Variants in SPTA1 observed in about 807,000 individuals in gnomAD.
SPTA1 encodes the protein spectrin alpha chain, erythrocytic 1.
SPTA1 carries 177 observed loss-of-function variants against 324.7 expected under a neutral mutation model. The ratio of observed to expected loss-of-function variants is 0.55; its 90% CI spans 0.48 to 0.62. The LOEUF (loss-of-function observed/expected upper bound fraction) is 0.62. SPTA1 is among the 20% of genes least tolerant of loss of function. The pLI is 0.00. For missense variants in SPTA1, 3,162 were observed against 2,883.6 expected (o/e 1.10, Z -2.21); for synonymous variants, 1,195 against 1,041.3 (o/e 1.15, Z -2.84).
In SPTA1 at chr1:158,685,096, G is replaced by GT; in HGVS notation, c.264+11_264+12insA. On this transcript the variant is annotated intron_variant, in intron 2 of 51. Coordinates refer to ENST00000643759, the MANE Select transcript of SPTA1 (RefSeq NM_003126.4). ...AGGGTCTGCTCTGAGGCAATCAAGA[G>GT]AACTGAGTGACCTGTATATTAGTTG... 4 of 1,613,552 alleles carry GT rather than the reference G, an allele frequency of 2.5e-6. No homozygotes were observed. Among genetic ancestry groups the GT allele is most frequent in the Non-Finnish European group, 2.5e-6 (3 of 1,179,708 alleles).
intron 39 of SPTA1, among the ~76,000 whole-genome samples, chr1:158,631,292 A>C (rs1023586011): frequency 1.3e-5 from 2 of 152,212 alleles, no homozygotes; most frequent in Non-Finnish European, 2.9e-5. Context: ...ACAAAACAAA[A>C]TAATGGCGTT....
At chr1:158,622,952 GA>G in intron 43 of SPTA1, 30 bp downstream of exon 43, 1 of 1,573,826 alleles carries the variant, frequency 6.4e-7, no homozygotes, top group Non-Finnish European at 8.7e-7. Context: ...AGGTAACAGA[GA>G]ACTGATCATG....
intron 4 of SPTA1, 67 bp downstream of exon 4, chr1:158,681,460 T>G (rs548344981): frequency 4.8e-5 from 77 of 1,611,124 alleles, no homozygotes; most frequent in South Asian, 2.1e-4. Context: ...TCTGCAGTAA[T>G]TTGCTATGGG....
intron 7 of SPTA1, 124 bp from the exon 8 acceptor site, chr1:158,676,419 G>C: frequency 9.8e-7 from 1 of 1,025,122 alleles, no homozygotes. Context: ...CATATGAATA[G>C]ATTTCTATTA....
rs369032432 is a variant in SPTA1 at position 158,662,950 on chromosome 1, G to C, written c.2221-5C>G. On this transcript the variant is annotated splice_region_variant and splice_polypyrimidine_tract_variant and intron_variant, in intron 16 of 51. Coordinates refer to ENST00000643759, the MANE Select transcript of SPTA1 (RefSeq NM_003126.4). ...TGTAAGGATATCCACCTGATCCTAA[G>C]GGAGAAATAGAATGAATGCGAAGAA... 22 of 1,613,740 alleles carry C rather than the reference G, an allele frequency of 1.4e-5. No homozygotes were observed. Among genetic ancestry groups the C allele is most frequent in the African/African-American group, 5.3e-5 (4 of 74,858 alleles).
In SPTA1 at chr1:158,615,319, G is replaced by T. The variant is rs765790863; in HGVS notation, c.6685C>A (p.Leu2229Ile). 6.2e-7 allele frequency: 1 copy of T among 1,614,054 alleles called. No homozygotes were observed. Among genetic ancestry groups the T allele is most frequent in the South Asian group, 1.1e-5 (1 of 91,072 alleles). Residue 2229 changes from leucine to isoleucine, a missense_variant, in exon 48 of 52, where the codon CTT becomes ATT. By Grantham distance (5) the Leu-to-Ile change is conservative (BLOSUM62 2). Transcript: ENST00000643759. The stretch of plus-strand genomic sequence containing the variant: ...CCAATGGTGCTGTATTTGATATCAA[G>T]GATCAGAGCGTCTTCCAAGTTGTCC... ...LGDNLEDALI[L>I]DIKYSTIGLA...
chr1:158,617,757 G>A (rs969086420), intron 46 of SPTA1, among the ~76,000 whole-genome samples, 169 bp from the exon 47 acceptor site: 3 of 152,116 alleles, frequency 2.0e-5, no homozygotes, highest in African/African-American at 7.2e-5. Flanking sequence ...CTGATGAGAA[G>A]GGAAGACTTT....
chr1:158,614,376 T>C, intron 48 of SPTA1, 70 bp from the exon 49 acceptor site: 1 of 1,101,116 alleles, frequency 9.1e-7, no homozygotes, highest in Non-Finnish European at 1.4e-6. Context: ...ACAAGCCACA[T>C]GGAAGAGAGA....
chr1:158,629,458 GA>G (rs559798875), intron 39 of SPTA1, among the ~76,000 whole-genome samples: 2 of 151,312 alleles, frequency 1.3e-5, no homozygotes, highest in African/African-American at 2.4e-5. Flanking sequence ...AATAGATTCT[GA>G]AAAAAAATGG....
intron 20 of SPTA1, among the ~76,000 whole-genome samples, 197 bp from the exon 21 acceptor site, chr1:158,654,945 T>G (rs1571463358): frequency 6.6e-6 from 1 of 152,050 alleles, no homozygotes; most frequent in African/African-American, 2.4e-5. Flanking sequence ...GACAGGCAGG[T>G]TGGGAACTAT....
chr1:158,614,195 G>T, intron 49 of SPTA1, 58 bp downstream of exon 49: 1 of 1,283,782 alleles, frequency 7.8e-7, no homozygotes, highest in South Asian at 1.2e-5. Flanking sequence ...ATTATTTGTA[G>T]ACTCATTCTG....
intron 26 of SPTA1, among the ~76,000 whole-genome samples, chr1:158,648,169 A>G (rs1238678484): frequency 6.6e-6 from 1 of 152,296 alleles, no homozygotes; most frequent in East Asian, 1.9e-4. Context: ...TATTGGCCTG[A>G]TCATCCTGGG....
intron 50 of SPTA1, 129 bp from the exon 51 acceptor site, chr1:158,613,090 T>C: frequency 2.0e-6 from 2 of 1,004,316 alleles, no homozygotes; most frequent in South Asian, 2.8e-5. Context: ...AACTAAGCTT[T>C]CTGGGATGAG....
At position 158,672,076 on chromosome 1, in the gene SPTA1, A is replaced by G. The variant is rs1461673453; in HGVS notation, c.1471T>C (p.Trp491Arg). The G allele has an allele frequency of 1.9e-6, 3 of 1,613,904 alleles. No individual in the cohort carries two copies. The highest frequency in any genetic ancestry group is 3.3e-5 in the Admixed American group (2 of 59,980). The part of the protein sequence containing the change: ...FYRDSEQVDS[W>R]MSRQEAFLEN... Reference sequence around the variant, plus strand: ...CCCGTTACCTCTTGTCTACTCATCCAACTGTCCACTTGCTCACTGTCTCTG... The same window carrying G: ...CCCGTTACCTCTTGTCTACTCATCCGACTGTCCACTTGCTCACTGTCTCTG... Residue 491 changes from tryptophan to arginine, a missense_variant, in exon 11 of 52, where the codon TGG becomes CGG. Physicochemically the swap from Trp to Arg is moderately radical, Grantham distance 101. Coordinates refer to ENST00000643759, the MANE Select transcript of SPTA1 (RefSeq NM_003126.4).
chr1:158,686,683 C>T lies in SPTA1; in HGVS notation c.-166G>A. 3.3e-6 allele frequency: 2 copies of T among 603,032 alleles called. No individual in the cohort carries two copies. The highest frequency in any genetic ancestry group is 5.9e-6 in the Non-Finnish European group (2 of 338,966). The allele number at this position is 603,032 out of a possible 1,614,324, so 37.4% of individuals were successfully genotyped here. The stretch of plus-strand genomic sequence containing the variant: ...TTGCTTGGTCCTAGAATCCCATCAG[C>T]CATACACAATCGACATTATCTTTAG... On this transcript the variant is annotated 5_prime_UTR_variant, in exon 1 of 52. An upstream open reading frame in the 5' UTR gains an earlier in-frame stop. Coordinates refer to ENST00000643759, the MANE Select transcript of SPTA1 (RefSeq NM_003126.4).
chr1:158,656,689 A>C (rs1466743619), intron 19 of SPTA1, 33 bp from the exon 20 acceptor site: 1 of 1,562,714 alleles, frequency 6.4e-7, no homozygotes, highest in African/African-American at 1.4e-5. Flanking sequence ...ATCAGAATGA[A>C]TATAGGAGGA....
Position 158,626,221 on chromosome 1 carries a change from A to T in SPTA1, c.5835T>A (p.Ala1945=), listed in dbSNP as rs766250365. ...TGGTCTTTAGGCTTGTTTCCTTATCAGCTAAAAGGCAAAAACAATTAAGAA... is the reference window on the plus strand; with the variant it reads ...TGGTCTTTAGGCTTGTTTCCTTATCTGCTAAAAGGCAAAAACAATTAAGAA... ...WKADVVEAWI[A]DKETSLKTNG... is the part of the protein sequence containing the mutation. Residue 1945 remains alanine, a splice_region_variant and synonymous_variant, in exon 42 of 52, where the codon GCT becomes GCA. Coordinates refer to ENST00000643759, the MANE Select transcript of SPTA1 (RefSeq NM_003126.4). 9 of 1,613,530 alleles carry T rather than the reference A, an allele frequency of 5.6e-6. No homozygotes were observed. Among genetic ancestry groups the T allele is most frequent in the Non-Finnish European group, 6.8e-6 (8 of 1,179,546 alleles).
chr1:158,666,204 A>T, intron 16 of SPTA1, 112 bp downstream of exon 16: 4 of 1,047,022 alleles, frequency 3.8e-6, no homozygotes, highest in Non-Finnish European at 5.7e-6. Context: ...CCCATTGCTT[A>T]TTATTACTTA....
At chr1:158,678,141 C>T (rs1002676263) in intron 6 of SPTA1, among the ~76,000 whole-genome samples, 9 of 152,038 alleles carry the variant, frequency 5.9e-5, no homozygotes, top group Non-Finnish European at 2.9e-5. Flanking sequence ...GCTTCCCTTC[C>T]GTCTGCAGCG....
Sources: gnomAD v4.1 joint callset for allele counts (sites outside exome capture counted in the v4.1 genomes callset) on GRCh38, gnomAD v4.1.1 for gene constraint, MANE v1.5 for transcripts, NCBI Gene and HGNC (gene_info 2026-07-23, HGNC 2026-07-21) for gene names.